Variants in MYMX observed in about 807,000 individuals in gnomAD.
MYMX encodes the protein protein myomixer.
chr6:44,199,786 C>T, the MYMX span, among the ~76,000 whole-genome samples: 1 of 149,948 alleles, frequency 6.7e-6, no homozygotes, highest in Non-Finnish European at 1.5e-5. Context: ...CGGGCTCAAG[C>T]CATCCTCCCA....
chr6:44,200,808 G>C, the MYMX span, among the ~76,000 whole-genome samples: 2 of 152,164 alleles, frequency 1.3e-5, no homozygotes, highest in Non-Finnish European at 1.5e-5. Context: ...GGCATTGCCA[G>C]AGAGGGTAGG....
chr6:44,215,539 C>G (rs1775813360), upstream of MYMX, among the ~76,000 whole-genome samples: 1 of 152,014 alleles, frequency 6.6e-6, no homozygotes, highest in Non-Finnish European at 1.5e-5. Context: ...TGCCATGGCA[C>G]TCCAGCCTGG....
At chr6:44,197,518 G>A in the MYMX span, among the ~76,000 whole-genome samples, 1 of 152,246 alleles carries the variant, frequency 6.6e-6, no homozygotes, top group African/African-American at 2.4e-5. Context: ...GGGTGACAGA[G>A]TGAGACTCCG....
At chr6:44,207,870 G>T in the MYMX span, among the ~76,000 whole-genome samples, 1 of 152,108 alleles carries the variant, frequency 6.6e-6, no homozygotes, top group African/African-American at 2.4e-5. Context: ...TTCCTCTGGG[G>T]CTTTAAATGA....
chr6:44,211,037 C>A, the MYMX span, among the ~76,000 whole-genome samples: 1 of 152,118 alleles, frequency 6.6e-6, no homozygotes, highest in Non-Finnish European at 1.5e-5. Flanking sequence ...ATCACTTGGG[C>A]CCAGGAGTTT....
chr6:44,198,457 G>A, the MYMX span, among the ~76,000 whole-genome samples: 6 of 151,862 alleles, frequency 4.0e-5, no homozygotes, highest in African/African-American at 1.5e-4. Context: ...GAGCCACCGT[G>A]CCTGGCCTAT....
chr6:44,214,207 A>C (rs1355451512), upstream of MYMX, among the ~76,000 whole-genome samples: 2 of 152,216 alleles, frequency 1.3e-5, no homozygotes, highest in Non-Finnish European at 2.9e-5. Flanking sequence ...TGGATACTTC[A>C]ATGATTCTGG....
chr6:44,214,636 G>C (rs1775762485), upstream of MYMX, among the ~76,000 whole-genome samples: 1 of 152,164 alleles, frequency 6.6e-6, no homozygotes, highest in South Asian at 2.1e-4. Flanking sequence ...GCAGTGGCAT[G>C]ATCTCGGCTC....
chr6:44,203,386 C>T, the MYMX span, among the ~76,000 whole-genome samples: 3 of 152,106 alleles, frequency 2.0e-5, no homozygotes, highest in Admixed American at 6.6e-5. Context: ...CCAAGGTTGA[C>T]GATAAGCCTG....
chr6:44,207,902 A>G, the MYMX span, among the ~76,000 whole-genome samples: 1 of 152,104 alleles, frequency 6.6e-6, no homozygotes, highest in East Asian at 1.9e-4. Flanking sequence ...GGTTCGAGTC[A>G]CTTCTGGAAT....
chr6:44,204,800 T>C, the MYMX span, among the ~76,000 whole-genome samples: 1 of 152,030 alleles, frequency 6.6e-6, no homozygotes, highest in Non-Finnish European at 1.5e-5. Flanking sequence ...TTTCTTGGGG[T>C]CTTATATTTT....
the MYMX span, among the ~76,000 whole-genome samples, chr6:44,210,901 G>A: frequency 1.6e-4 from 25 of 152,216 alleles, no homozygotes; most frequent in Non-Finnish European, 3.2e-4. Flanking sequence ...GGCTGAAGCA[G>A]GAAGATCACG....
the MYMX span, among the ~76,000 whole-genome samples, chr6:44,198,648 A>G: frequency 6.6e-6 from 1 of 151,954 alleles, no homozygotes; most frequent in African/African-American, 2.4e-5. Flanking sequence ...CTGGGATTAC[A>G]GGCACCAGTG....
chr6:44,204,618 A>T, the MYMX span, among the ~76,000 whole-genome samples: 1 of 152,108 alleles, frequency 6.6e-6, no homozygotes, highest in African/African-American at 2.4e-5. Flanking sequence ...TCAGGAAGAG[A>T]TTTACTCCAG....
chr6:44,215,585 T>C (rs897086369), upstream of MYMX, among the ~76,000 whole-genome samples: 3 of 139,900 alleles, frequency 2.1e-5, no homozygotes, highest in African/African-American at 5.4e-5. Context: ...AAAAATAATA[T>C]AAATAAAATA....
upstream of MYMX, among the ~76,000 whole-genome samples, chr6:44,213,597 T>A (rs1333149426): frequency 6.6e-6 from 1 of 151,576 alleles, no homozygotes; most frequent in Admixed American, 6.6e-5. Context: ...AATTTTTGTA[T>A]TTTTAGTAGA....
chr6:44,203,325 C>CA, the MYMX span, among the ~76,000 whole-genome samples: 18 of 150,488 alleles, frequency 1.2e-4, no homozygotes, highest in Admixed American at 4.6e-4. Context: ...TTCCGTAAAC[C>CA]AAAAAAAAAG....
At chr6:44,216,681 G>GAAAGA (rs372526804), upstream of MYMX, among the ~76,000 whole-genome samples, 1,044 of 146,458 alleles carry the variant, frequency 7.1e-3, 14 homozygotes, top group African/African-American at 0.025. Context: ...AAGAAGAAGA[G>GAAAGA]AAAGAAAAGA....
At chr6:44,208,113 A>G in the MYMX span, among the ~76,000 whole-genome samples, 1 of 152,062 alleles carries the variant, frequency 6.6e-6, no homozygotes, top group East Asian at 1.9e-4. Flanking sequence ...CTGTGGTCAC[A>G]GCTACTTTGG....
Sources: gnomAD v4.1 joint callset for allele counts (sites outside exome capture counted in the v4.1 genomes callset) on GRCh38, gnomAD v4.1.1 for gene constraint, MANE v1.5 for transcripts, NCBI Gene and HGNC (gene_info 2026-07-23, HGNC 2026-07-21) for gene names.